Variants in RAD54L2 observed in about 807,000 individuals in gnomAD.
RAD54L2 encodes the protein helicase ARIP4.
Under a neutral mutation model 138.4 loss-of-function variants are expected in RAD54L2, and 27 were observed. The ratio of observed to expected loss-of-function variants is 0.20; its 90% CI spans 0.14 to 0.27. RAD54L2 has a LOEUF of 0.27. RAD54L2 is among the 10% of genes least tolerant of loss of function. The pLI is 1.00. For missense variants in RAD54L2, 1,396 were observed against 1,890.2 expected, an observed-to-expected ratio of 0.74 and a Z score of 4.85; for synonymous variants, 644 against 723.2, an observed-to-expected ratio of 0.89 and a Z score of 1.76.
chr3:51,554,597 G>A (rs1186793098), intron 2 of RAD54L2, among the ~76,000 whole-genome samples: 1 of 152,088 alleles, frequency 6.6e-6, no homozygotes, highest in Admixed American at 6.6e-5. Context: ...ACATTTCTTT[G>A]CTATATTTTG....
At chr3:51,635,301 G>T (rs903762744) in intron 9 of RAD54L2, among the ~76,000 whole-genome samples, 9 of 152,172 alleles carry the variant, frequency 5.9e-5, no homozygotes, top group African/African-American at 1.9e-4. Context: ...ATCCAAGGGG[G>T]TTGTCATTTT....
At chr3:51,603,297 G>T (rs899642689) in intron 3 of RAD54L2, among the ~76,000 whole-genome samples, 1 of 152,066 alleles carries the variant, frequency 6.6e-6, no homozygotes, top group African/African-American at 2.4e-5. Flanking sequence ...GACAGAGTGA[G>T]ACTTTGTCTC....
At chr3:51,613,378 T>C (rs975179864) in intron 3 of RAD54L2, among the ~76,000 whole-genome samples, 9 of 152,238 alleles carry the variant, frequency 5.9e-5, no homozygotes, top group Non-Finnish European at 8.8e-5. Flanking sequence ...TGGTAATTCT[T>C]GCCTATGGTT....
intron 2 of RAD54L2, among the ~76,000 whole-genome samples, chr3:51,588,355 T>C (rs1225310528): frequency 1.3e-5 from 2 of 150,270 alleles, no homozygotes; most frequent in African/African-American, 4.9e-5. Context: ...GCCAACATGG[T>C]AAAACCCCGT....
At position 51,666,835 on chromosome 3, in the gene RAD54L2, T is replaced by C. The variant is rs949919458; in HGVS notation, c.*3415T>C. 6.6e-6 allele frequency: 1 copy of C among 152,042 alleles called. No individual in the cohort carries two copies. The highest frequency in any genetic ancestry group is 2.4e-5 in the African/African-American group (1 of 41,334). 9.4% of individuals were successfully genotyped at this position (152,042 alleles called of 1,614,324 possible). On this transcript the variant is annotated 3_prime_UTR_variant, in exon 23 of 23. Coordinates refer to ENST00000684192, the MANE Select transcript of RAD54L2 (RefSeq NM_015106.4). ...ATTAGTGTGTGGAGTCTCTATATGC[T>C]TGTGATCCTTGGAGCTCTCTTCCCT...
At chr3:51,551,873 C>T (rs184562052) in intron 2 of RAD54L2, among the ~76,000 whole-genome samples, 2 of 152,158 alleles carry the variant, frequency 1.3e-5, no homozygotes, top group African/African-American at 4.8e-5. Flanking sequence ...CTGCCTCAGC[C>T]TCCAGAGTAG....
chr3:51,657,174 A>C (rs1357003938), intron 20 of RAD54L2, among the ~76,000 whole-genome samples: 2 of 152,220 alleles, frequency 1.3e-5, no homozygotes, highest in Admixed American at 1.3e-4. Flanking sequence ...GGTGTGGGGT[A>C]ATGCCAGCAA....
chr3:51,581,254 C>A (rs1032139589), intron 2 of RAD54L2, among the ~76,000 whole-genome samples: 2 of 152,138 alleles, frequency 1.3e-5, no homozygotes, highest in African/African-American at 4.8e-5. Context: ...CGCACCACCA[C>A]AACCGGCTAA....
chr3:51,635,754 T>C lies in RAD54L2; in HGVS notation c.1304T>C (p.Leu435Pro). 2 of 1,612,834 alleles carry C rather than the reference T, an allele frequency of 1.2e-6. No homozygotes were observed. Among genetic ancestry groups the C allele is most frequent in the Non-Finnish European group, 1.7e-6 (2 of 1,179,546 alleles). The change falls in exon 10 of 23, where the codon CTA becomes CCA. Residue 435 changes from leucine to proline, a missense_variant. Coordinates refer to ENST00000684192, the MANE Select transcript of RAD54L2 (RefSeq NM_015106.4). ...CGTTCTCACCCAGTCATCATTGATC[T>C]AGATGAGGAAGATCGGCAGCAGGAG... is the stretch of plus-strand genomic sequence containing the variant. ...KKRSHPVIID[L>P]DEEDRQQEFR...
intron 2 of RAD54L2, among the ~76,000 whole-genome samples, chr3:51,545,061 T>G (rs1553671984): frequency 6.6e-6 from 1 of 152,222 alleles, no homozygotes; most frequent in Non-Finnish European, 1.5e-5. Flanking sequence ...TAAAATTATC[T>G]GTATCCGTTT....
chr3:51,581,728 G>A (rs1559624469), intron 2 of RAD54L2, among the ~76,000 whole-genome samples: 1 of 152,136 alleles, frequency 6.6e-6, no homozygotes, highest in Non-Finnish European at 1.5e-5. Context: ...GTGGTGATTG[G>A]GGAATTGGAA....
Position 51,633,976 on chromosome 3 carries a change from C to G in RAD54L2, c.1083C>G (p.Asn361Lys), listed in dbSNP as rs770258894. ...CTCCTGAAGCCCTCCCGGCTGACAA[C>G]AAGCCTGAAGAAGTCCAGCCTCGGT... ...LPPPEALPAD[N>K]KPEEVQPRFF... The change falls in exon 9 of 23, where the codon AAC becomes AAG. Residue 361 changes from asparagine to lysine, a missense_variant. This residue lies in a region of RAD54L2 where 169 missense variants were observed against 235.6 expected (regional missense o/e 0.72). Coordinates refer to ENST00000684192, the MANE Select transcript of RAD54L2 (RefSeq NM_015106.4). The G allele has an allele frequency of 6.2e-7, 1 of 1,613,864 alleles. No individual in the cohort carries two copies. The highest frequency in any genetic ancestry group is 8.5e-7 in the Non-Finnish European group (1 of 1,179,876).
chr3:51,614,685 T>A (rs1465750115), intron 3 of RAD54L2, among the ~76,000 whole-genome samples: 1 of 152,124 alleles, frequency 6.6e-6, no homozygotes, highest in Non-Finnish European at 1.5e-5. Context: ...GCTAATTTTT[T>A]AAATTTTAGT....
chr3:51,631,507 A>ATTT (rs1163836924), intron 7 of RAD54L2, among the ~76,000 whole-genome samples: 5 of 133,990 alleles, frequency 3.7e-5, no homozygotes, highest in Non-Finnish European at 4.9e-5. Context: ...CACCCAGCCA[A>ATTT]TTTTTTTTTT....
At chr3:51,652,024 A>G (rs1701452616) in intron 19 of RAD54L2, among the ~76,000 whole-genome samples, 1 of 152,242 alleles carries the variant, frequency 6.6e-6, no homozygotes, top group Non-Finnish European at 1.5e-5. Context: ...ACATGATTGT[A>G]TATTTAGAAA....
intron 1 of RAD54L2, among the ~76,000 whole-genome samples, chr3:51,540,002 C>G (rs987390113): frequency 5.9e-5 from 9 of 152,140 alleles, no homozygotes; most frequent in Non-Finnish European, 1.2e-4. Flanking sequence ...CAAAGCTTTT[C>G]TCTGTTCATT....
chr3:51,583,339 A>G (rs1699647627), intron 2 of RAD54L2, among the ~76,000 whole-genome samples: 1 of 152,216 alleles, frequency 6.6e-6, no homozygotes, highest in Non-Finnish European at 1.5e-5. Context: ...TTGGAAAAGG[A>G]AGGCATGTGT....
rs1240889458 is a variant in RAD54L2 at position 51,538,730 on chromosome 3, C to T, written c.-302C>T. On this transcript the variant is annotated 5_prime_UTR_variant, in exon 1 of 23. Transcript: ENST00000684192. ...GACCGTGAGCGGAGGCTGGCGAGCG[C>T]CGCCGCCGGTGGAGACCGACGCTTG... Among the ~76,000 whole-genome samples the T allele has an allele frequency of 3.3e-5, 5 of 151,988 alleles. No individual in the cohort carries two copies. Among genetic ancestry groups the T allele is most frequent in the Admixed American group, 1.3e-4 (2 of 15,256 alleles).
intron 2 of RAD54L2, among the ~76,000 whole-genome samples, chr3:51,543,650 C>T (rs1233547743): frequency 6.6e-6 from 1 of 151,420 alleles, no homozygotes; most frequent in Admixed American, 6.6e-5. Flanking sequence ...CACCTCTGGT[C>T]TCTAACATCT....
Sources: gnomAD v4.1 joint callset for allele counts (sites outside exome capture counted in the v4.1 genomes callset) on GRCh38, gnomAD v4.1.1 for gene constraint, gnomAD v4.1.1 regional missense constraint, MANE v1.5 for transcripts, NCBI Gene and HGNC (gene_info 2026-07-23, HGNC 2026-07-21) for gene names.